PCDHA5: variants seen among roughly 807,000 people sequenced by gnomAD.
PCDHA5 encodes protocadherin alpha-5.
A neutral mutation model predicts 61.6 loss-of-function variants in PCDHA5; 43 were observed. The observed-to-expected ratio is 0.70, with a 90% CI of 0.55 to 0.90. The LOEUF (loss-of-function observed/expected upper bound fraction) is 0.90, where lower values mean the gene tolerates loss of function less well. Among genes scored for constraint, PCDHA5 ranks in the 40% least tolerant of loss-of-function variants. The pLI is 0.00. For synonymous variants in PCDHA5, 627 were observed against 543.9 expected (o/e 1.15, Z -2.13); for missense variants, 1,298 against 1,222.7 (o/e 1.06, Z -0.92).
At chr5:140,969,702 C>A (rs1305755991) in intron 1 of PCDHA5, among the ~76,000 whole-genome samples, 1 of 152,144 alleles carries the variant, frequency 6.6e-6, no homozygotes, top group African/African-American at 2.4e-5. Context: ...TCTGCTGTAT[C>A]ATCTACAGGG....
intron 1 of PCDHA5, chr5:140,875,979 C>G: frequency 3.7e-6 from 6 of 1,613,984 alleles, no homozygotes; most frequent in Non-Finnish European, 5.1e-6. Flanking sequence ...CTCTTTTGAC[C>G]TATGCGTTAA....
At chr5:140,868,908 CTTGGTG>C in intron 1 of PCDHA5, 1 of 882,188 alleles carries the variant, frequency 1.1e-6, no homozygotes, top group Non-Finnish European at 1.7e-6. Flanking sequence ...TCGCTCTTTA[CTTGGTG>C]GAAAGTTCAT....
chr5:140,909,454 C>G (rs1317276726), intron 1 of PCDHA5, among the ~76,000 whole-genome samples: 2 of 152,190 alleles, frequency 1.3e-5, no homozygotes, highest in African/African-American at 4.8e-5. Flanking sequence ...TCTCCAAGAT[C>G]CATCTGTCTT....
intron 1 of PCDHA5, chr5:140,853,614 A>G (rs1477333407): frequency 1.0e-6 from 1 of 988,026 alleles, no homozygotes; most frequent in Non-Finnish European, 1.2e-6. Flanking sequence ...GGGTGCTGTA[A>G]ATAAGTATAC....
rs565233003 is a variant in PCDHA5 at position 140,851,830 on chromosome 5, T to C, written c.2352+27703T>C. 1.2e-5 allele frequency: 12 copies of C among 967,780 alleles called. No homozygotes were observed. In the African/African-American group the frequency reaches 2.1e-4, roughly 17 times the overall value. The allele number at this position is 967,780 out of a possible 1,614,324, so 59.9% of individuals were successfully genotyped here. On this transcript the variant is annotated intron_variant, in intron 1 of 3. Coordinates refer to ENST00000529859, the MANE Select transcript of PCDHA5 (RefSeq NM_018908.3). ...TCCATAAGACAGAAATCTGTTTTTT[T>C]AAAAATATCTTTTTCTCCTCTCAGC...
chr5:140,935,985 C>G (rs155825), intron 1 of PCDHA5, among the ~76,000 whole-genome samples: 1 of 150,926 alleles, frequency 6.6e-6, no homozygotes, highest in Admixed American at 6.6e-5. Context: ...CTCTGCCTCC[C>G]GGGTTCAAGC....
intron 1 of PCDHA5, among the ~76,000 whole-genome samples, chr5:140,919,193 T>C (rs1444043948): frequency 6.6e-6 from 1 of 152,262 alleles, no homozygotes; most frequent in African/African-American, 2.4e-5. Flanking sequence ...ATTGGTCCTT[T>C]TGTCATTATA....
At chr5:140,826,875 T>G (rs2150145673) in intron 1 of PCDHA5, among the ~76,000 whole-genome samples, 1 of 152,218 alleles carries the variant, frequency 6.6e-6, no homozygotes, top group South Asian at 2.1e-4. Flanking sequence ...TAAAATTCAA[T>G]GAAAGCTGTA....
chr5:140,941,685 A>G (rs983394705), intron 1 of PCDHA5, among the ~76,000 whole-genome samples: 2 of 151,952 alleles, frequency 1.3e-5, no homozygotes, highest in Non-Finnish European at 2.9e-5. Flanking sequence ...TATTCTGTTT[A>G]CCTCTTTGGG....
At chr5:140,887,125 C>G (rs1391575318) in intron 1 of PCDHA5, among the ~76,000 whole-genome samples, 3 of 150,080 alleles carry the variant, frequency 2.0e-5, no homozygotes. Context: ...GAGACGGAGT[C>G]TCACTCTGTC....
chr5:140,875,216 A>T, intron 1 of PCDHA5: 1 of 717,612 alleles, frequency 1.4e-6, no homozygotes, highest in East Asian at 3.2e-5. Flanking sequence ...ACCGAAAAGA[A>T]CCTCAGGATC....
chr5:140,844,162 T>C (rs1328391429), intron 1 of PCDHA5, among the ~76,000 whole-genome samples: 8 of 149,794 alleles, frequency 5.3e-5, no homozygotes, highest in Non-Finnish European at 1.0e-4. Context: ...TTTTATTCAC[T>C]TTAAGATCTC....
chr5:141,004,037 G>A (rs946974688), intron 3 of PCDHA5, among the ~76,000 whole-genome samples: 1 of 152,200 alleles, frequency 6.6e-6, no homozygotes, highest in African/African-American at 2.4e-5. Flanking sequence ...TTCCTTGATT[G>A]ATCATTTGCT....
rs781883995 is a variant in PCDHA5, at chr5:140,876,273, C to A, written c.2352+52146C>A. Reference sequence around the variant, plus strand: ...CAAGAGTGATCCAACTAAATGCTTCCGATCCAGACGAAGGACTTAATGGAG... The same window carrying A: ...CAAGAGTGATCCAACTAAATGCTTCAGATCCAGACGAAGGACTTAATGGAG... On this transcript the variant is annotated intron_variant, in intron 1 of 3. Coordinates refer to ENST00000529859, the MANE Select transcript of PCDHA5 (RefSeq NM_018908.3). 6.8e-6 allele frequency: 11 copies of A among 1,613,984 alleles called. No individual in the cohort carries two copies. The South Asian group carries it at 1.2e-4, about 18-fold the overall frequency.
At chr5:140,846,395 G>A (rs1168454910) in intron 1 of PCDHA5, among the ~76,000 whole-genome samples, 1 of 90,540 alleles carries the variant, frequency 1.1e-5, no homozygotes, top group Non-Finnish European at 2.1e-5. Flanking sequence ...TTTTTTTTGA[G>A]ACGGAGTCTC....
chr5:140,928,480 G>A, intron 1 of PCDHA5: 2 of 1,614,146 alleles, frequency 1.2e-6, no homozygotes, highest in Non-Finnish European at 1.7e-6. Flanking sequence ...AGGCCGGGAT[G>A]GTGGCATTCC....
At chr5:140,886,871 T>C (rs1045804511) in intron 1 of PCDHA5, among the ~76,000 whole-genome samples, 1 of 151,744 alleles carries the variant, frequency 6.6e-6, no homozygotes, top group Non-Finnish European at 1.5e-5. Flanking sequence ...AACTCCTATA[T>C]TGAACATTCA....
intron 1 of PCDHA5, chr5:140,927,132 G>C: frequency 6.2e-7 from 1 of 1,614,052 alleles, no homozygotes; most frequent in Non-Finnish European, 8.5e-7. Context: ...TCAGAGAGCC[G>C]GCGGACCGCG....
chr5:141,002,689 T>C (rs2098092113), intron 3 of PCDHA5, among the ~76,000 whole-genome samples: 1 of 152,186 alleles, frequency 6.6e-6, no homozygotes, highest in African/African-American at 2.4e-5. Context: ...GACGTGCAGA[T>C]TTGTTTAACT....
Sources: allele counts gnomAD v4.1 joint callset (sites outside exome capture counted in the v4.1 genomes callset), GRCh38; gene constraint gnomAD v4.1.1; transcripts MANE v1.5; gene names NCBI Gene and HGNC (gene_info 2026-07-23, HGNC 2026-07-21).